Variants in ZNF19 observed in about 807,000 individuals in gnomAD.
ZNF19 encodes the protein zinc finger protein 19 (KOX 12).
A neutral mutation model predicts 13.1 loss-of-function variants in ZNF19; 11 were observed. That is an observed-to-expected ratio of 0.84 (90% confidence interval 0.53 to 1.39). ZNF19 has a LOEUF of 1.39. Among genes scored for constraint, ZNF19 ranks in the 40% most tolerant of loss-of-function variants. The probability of loss-of-function intolerance (pLI) is 0.00; values close to 1 mark genes in which losing one functional copy is unlikely to be tolerated. For synonymous variants in ZNF19, 186 were observed against 187.0 expected (o/e 0.99, Z 0.04); for missense variants, 560 against 547.0 (o/e 1.02, Z -0.24).
intron 1 of ZNF19, among the ~76,000 whole-genome samples, chr16:71,486,181 GAA>G (rs33957419): frequency 0.25 from 33,271 of 130,786 alleles, 5,905 homozygotes; most frequent in African/African-American, 0.53. Flanking sequence ...TGTCTCTACC[GAA>G]AAAAAAAAAA....
intron 5 of ZNF19, chr16:71,478,001 G>A (rs1331711026): frequency 1.4e-5 from 7 of 484,546 alleles, no homozygotes; most frequent in South Asian, 8.4e-5. Flanking sequence ...GACAACTAAG[G>A]TAGGCAATGT....
At position 71,475,447 on chromosome 16, in the gene ZNF19, C is replaced by A; in HGVS notation, c.1100G>T (p.Ser367Ile). ...ATGCCTTTTTAATTGTTCCTGAGCA[C>A]TGAAGGCTTTTCCACAATCTACACA... ...FDCVDCGKAF[S>I]AQEQLKRHLR... is the part of the protein sequence containing the mutation. The change falls in exon 6 of 6, where the codon AGT becomes ATT. Residue 367 changes from serine (S) to isoleucine (I), a missense_variant. Coordinates refer to ENST00000288177, the MANE Select transcript of ZNF19 (RefSeq NM_006961.4). 1 of 1,612,604 alleles carries A rather than the reference C, an allele frequency of 6.2e-7. No homozygotes were observed. Among genetic ancestry groups the A allele is most frequent in the Non-Finnish European group, 8.5e-7 (1 of 1,179,530 alleles).
At position 71,475,916 on chromosome 16, in the gene ZNF19, G is replaced by C; in HGVS notation, c.631C>G (p.His211Asp). The C allele has an allele frequency of 6.2e-7, 1 of 1,613,506 alleles. No individual in the cohort carries two copies. The highest frequency in any genetic ancestry group is 8.5e-7 in the Non-Finnish European group (1 of 1,179,726). ...NSSLIRHQRI[H>D]TGERPYQCEE... is the part of the protein sequence containing the mutation. ...CACTGATAGGGTCTCTCTCCAGTGT[G>C]AATCCTCTGGTGCCGAATTAACGAA... Residue 211 changes from histidine to aspartate, a missense_variant, in exon 6 of 6, where the codon CAC becomes GAC. Physicochemically the swap from His to Asp is moderately conservative, Grantham distance 81. Transcript: ENST00000288177.
intron 3 of ZNF19, among the ~76,000 whole-genome samples, chr16:71,480,220 C>T (rs1038213632): frequency 2.0e-5 from 3 of 152,074 alleles, no homozygotes; most frequent in South Asian, 4.2e-4. Context: ...ACTTCGTTAC[C>T]GGAGTGCTCA....
intron 3 of ZNF19, 103 bp from the exon 4 acceptor site, chr16:71,479,108 G>A (rs1226693401): frequency 2.6e-6 from 4 of 1,525,488 alleles, no homozygotes; most frequent in African/African-American, 2.7e-5. Flanking sequence ...GTCCTGTGAG[G>A]GATAGGTAAT....
chr16:71,485,457 A>T (rs1315447983), intron 1 of ZNF19, among the ~76,000 whole-genome samples: 2 of 147,786 alleles, frequency 1.4e-5, no homozygotes, highest in African/African-American at 5.3e-5. Context: ...TCTCAAAAAA[A>T]AAAAAAACCA....
At chr16:71,483,202 T>C (rs952127933) in intron 2 of ZNF19, among the ~76,000 whole-genome samples, 3 of 152,198 alleles carry the variant, frequency 2.0e-5, no homozygotes, top group East Asian at 3.8e-4. Flanking sequence ...TCAAGGGCCA[T>C]GAAAACCAGA....
chr16:71,482,562 C>T (rs1333895673), intron 2 of ZNF19, among the ~76,000 whole-genome samples: 2 of 152,118 alleles, frequency 1.3e-5, no homozygotes, highest in Non-Finnish European at 2.9e-5. Context: ...GTCCTCACAA[C>T]AATCTTTTGA....
intron 1 of ZNF19, chr16:71,487,121 CT>C (rs1215529807): frequency 1.3e-5 from 2 of 152,096 alleles, no homozygotes; most frequent in Non-Finnish European, 2.9e-5. Flanking sequence ...GAAATGTATA[CT>C]TGATATGTTT....
chr16:71,475,252 T>C lies in ZNF19; in HGVS notation c.1295A>G (p.Glu432Gly). 6.2e-7 allele frequency: 1 copy of C among 1,614,188 alleles called. No individual in the cohort carries two copies. Among genetic ancestry groups the C allele is most frequent in the Non-Finnish European group, 8.5e-7 (1 of 1,180,020 alleles). Residue 432 changes from glutamate (E) to glycine (G), a missense_variant, in exon 6 of 6, where the codon GAG becomes GGG. Coordinates refer to ENST00000288177, the MANE Select transcript of ZNF19 (RefSeq NM_006961.4). ...FGTSSQLGHL[E>G]HVYSGEKPVL... The stretch of plus-strand genomic sequence containing the variant: ...AGGCTTCTCTCCAGAGTAGACATGC[T>C]CAAGGTGACCTAGCTGGGAAGAAGT...
At chr16:71,480,674 C>A (rs1567570386) in intron 3 of ZNF19, among the ~76,000 whole-genome samples, 1 of 152,234 alleles carries the variant, frequency 6.6e-6, no homozygotes, top group African/African-American at 2.4e-5. Flanking sequence ...CTCTGCCCAG[C>A]TGACAACCTG....
In ZNF19 at chr16:71,475,065, C is replaced by A; in HGVS notation, c.*105G>T. ...CATCTACTGACATCTGAATCATTAA[C>A]TGTGGCTTGAGGGATGGATCAGAGG... is the stretch of plus-strand genomic sequence containing the variant. On this transcript the variant is annotated 3_prime_UTR_variant, in exon 6 of 6. Transcript: ENST00000288177. 7.5e-7 allele frequency: 1 copy of A among 1,327,678 alleles called. No homozygotes were observed. Among genetic ancestry groups the A allele is most frequent in the Non-Finnish European group, 1.0e-6 (1 of 986,714 alleles). 82.2% of individuals were successfully genotyped at this position (1,327,678 alleles called of 1,614,324 possible).
At position 71,475,139 on chromosome 16, in the gene ZNF19, T is replaced by A; in HGVS notation, c.*31A>T. 1 of 1,528,618 alleles carries A rather than the reference T, an allele frequency of 6.5e-7. No individual in the cohort carries two copies. The highest frequency in any genetic ancestry group is 8.8e-7 in the Non-Finnish European group (1 of 1,136,188). The allele number at this position is 1,528,618 out of a possible 1,614,324, so 94.7% of individuals were successfully genotyped here. A position where few individuals can be genotyped will look rare whatever the true frequency, so the allele number is the denominator to read the frequency against. On this transcript the variant is annotated 3_prime_UTR_variant, in exon 6 of 6. Transcript: ENST00000288177. The stretch of plus-strand genomic sequence containing the variant: ...TTCCATTCCTGAGTAGAAGACGGAA[T>A]CCACTCAGTACATTTCACTGGAGTG...
intron 3 of ZNF19, among the ~76,000 whole-genome samples, chr16:71,481,530 C>T (rs1185919819): frequency 1.3e-5 from 2 of 152,200 alleles, no homozygotes; most frequent in African/African-American, 2.4e-5. Flanking sequence ...TCCCTAACTT[C>T]AGGTGTCCTG....
chr16:71,479,062 G>A lies in ZNF19; in HGVS notation c.34-57C>T, dbSNP rs1460639445. 4 of 1,613,060 alleles carry A rather than the reference G, an allele frequency of 2.5e-6. No homozygotes were observed. The Admixed American group carries it at 6.7e-5, about 27-fold the overall frequency. On this transcript the variant is annotated intron_variant, in intron 3 of 5. Coordinates refer to ENST00000288177, the MANE Select transcript of ZNF19 (RefSeq NM_006961.4). ...CAATCCTCTGGCTCCGGGCCAGAGT[G>A]TGGGGCAGAGGGGACAGGTAGGGAC...
Position 71,475,884 on chromosome 16 carries a change from C to G in ZNF19, c.663G>C (p.Glu221Asp), listed in dbSNP as rs780202978. 6 of 1,613,224 alleles carry G rather than the reference C, an allele frequency of 3.7e-6. 1 individual carries two copies. The South Asian group carries it at 6.6e-5, about 18-fold the overall frequency. The change falls in exon 6 of 6, where the codon GAG (glutamate) becomes GAC (aspartate). Residue 221 changes from glutamate (E) to aspartate (D), a missense_variant. Transcript: ENST00000288177. Reference sequence around the variant, plus strand: ...CATTATCATTAAAGGCTCGCCCACACTCCTCACACTGATAGGGTCTCTCTC... The same window carrying G: ...CATTATCATTAAAGGCTCGCCCACAGTCCTCACACTGATAGGGTCTCTCTC... ...HTGERPYQCE[E>D]CGRAFNDNAN...
At chr16:71,482,301 G>A (rs1407171883) in intron 2 of ZNF19, 158 bp from the exon 3 acceptor site, 1 of 639,790 alleles carries the variant, frequency 1.6e-6, no homozygotes. Context: ...ATCATACCAT[G>A]AGGTTTGTAA....
In ZNF19 at chr16:71,484,586, C is replaced by T. The variant is rs1054190910; in HGVS notation, c.-30+3G>A. On this transcript the variant is annotated splice_donor_region_variant and intron_variant, in intron 2 of 5. Transcript: ENST00000288177. ...CTCCTAGGCGACAAACCCCAACACT[C>T]ACCTCAGGAAAAACAGAAAGCGGTG... 1.8e-5 allele frequency: 18 copies of T among 985,330 alleles called. No homozygotes were observed. Among genetic ancestry groups the T allele is most frequent in the Non-Finnish European group, 2.0e-5 (17 of 829,974 alleles). The allele number at this position is 985,330 out of a possible 1,614,324, so 61.0% of individuals were successfully genotyped here.
chr16:71,478,863 A>C lies in ZNF19; in HGVS notation c.160+16T>G, dbSNP rs2043619235. 5.0e-6 allele frequency: 8 copies of C among 1,612,898 alleles called. No homozygotes were observed. The highest frequency in any genetic ancestry group is 1.1e-5 in the South Asian group (1 of 91,048). On this transcript the variant is annotated intron_variant, in intron 4 of 5. Coordinates refer to ENST00000288177, the MANE Select transcript of ZNF19 (RefSeq NM_006961.4). ...GAAAAGTACAGATCTGAGTCCTAGG[A>C]GGAAAATGGCCTTACCCAAAGCAGT... is the stretch of plus-strand genomic sequence containing the variant.
Sources: allele counts gnomAD v4.1 joint callset (sites outside exome capture counted in the v4.1 genomes callset), GRCh38; gene constraint gnomAD v4.1.1; transcripts MANE v1.5; gene names NCBI Gene and HGNC (gene_info 2026-07-23, HGNC 2026-07-21).